DGAT2: variants seen among roughly 807,000 people sequenced by gnomAD.
The protein encoded by DGAT2 is acyl-CoA retinol O-fatty-acyltransferase.
Under a neutral mutation model 48.4 loss-of-function variants are expected in DGAT2, and 33 were observed. The observed-to-expected ratio is 0.68, with a 90% CI of 0.52 to 0.91. The LOEUF is 0.91. Among genes scored for constraint, DGAT2 ranks in the 40% least tolerant of loss-of-function variants. The probability of loss-of-function intolerance (pLI) is 0.00; values close to 1 mark genes in which losing one functional copy is unlikely to be tolerated. For synonymous variants in DGAT2, 191 were observed against 194.1 expected (o/e 0.98, Z 0.13); for missense variants, 446 against 493.7 (o/e 0.90, Z 0.92).
chr11:75,790,585 C>A, intron 3 of DGAT2, 76 bp from the exon 4 acceptor site: 1 of 1,405,354 alleles, frequency 7.1e-7, no homozygotes, highest in Non-Finnish European at 1.0e-6. Context: ...GCTTGGGTTT[C>A]ACACTGGCCC....
chr11:75,782,104 C>T (rs746396046), intron 1 of DGAT2, among the ~76,000 whole-genome samples: 1 of 152,172 alleles, frequency 6.6e-6, no homozygotes, highest in Non-Finnish European at 1.5e-5. Context: ...CTTCAGGGGC[C>T]TGTCTGCAAC....
chr11:75,779,642 CA>C, intron 1 of DGAT2, among the ~76,000 whole-genome samples: 1 of 152,218 alleles, frequency 6.6e-6, no homozygotes, highest in Admixed American at 6.5e-5. Flanking sequence ...AAGGTAGGAG[CA>C]AATGAGCTGT....
chr11:75,779,061 G>C (rs1468401988), intron 1 of DGAT2, among the ~76,000 whole-genome samples: 1 of 152,106 alleles, frequency 6.6e-6, no homozygotes, highest in African/African-American at 2.4e-5. Context: ...CTGAAAACTT[G>C]GGTTTCATCA....
At chr11:75,790,759 A>C (rs748099040) in intron 4 of DGAT2, 28 bp downstream of exon 4, 7 of 1,612,798 alleles carry the variant, frequency 4.3e-6, no homozygotes, top group Non-Finnish European at 5.9e-6. Flanking sequence ...TTGTTTTGGG[A>C]GGGTGGGAAT....
At chr11:75,784,527 G>T in intron 1 of DGAT2, 91 bp from the exon 2 acceptor site, 1 of 1,542,836 alleles carries the variant, frequency 6.5e-7, no homozygotes, top group African/African-American at 1.4e-5. Context: ...CTCATATCTA[G>T]AAGGGTACCT....
chr11:75,784,573 T>C (rs1944900643), intron 1 of DGAT2, 45 bp from the exon 2 acceptor site: 5 of 1,609,766 alleles, frequency 3.1e-6, no homozygotes, highest in Non-Finnish European at 3.4e-6. Context: ...ACCCCATGAC[T>C]GGAGAGAAGG....
At chr11:75,784,802 A>G (rs564207068) in intron 2 of DGAT2, 56 bp downstream of exon 2, 3 of 1,610,956 alleles carry the variant, frequency 1.9e-6, no homozygotes, top group Non-Finnish European at 1.7e-6. Flanking sequence ...CTTCCCCAAA[A>G]GAGGTAGAGC....
chr11:75,768,815 C>G lies in DGAT2; in HGVS notation c.-177C>G. ...GCCTCTGCTGGGGTCTAGGCTGTTT[C>G]TCTCGCGCCACCACTGGCCGCCGGC... On this transcript the variant is annotated 5_prime_UTR_variant, in exon 1 of 8. Transcript: ENST00000228027. 1 of 768,372 alleles carries G rather than the reference C, an allele frequency of 1.3e-6. No homozygotes were observed. Among genetic ancestry groups the G allele is most frequent in the Non-Finnish European group, 1.8e-6 (1 of 541,326 alleles). 47.6% of individuals were successfully genotyped at this position (768,372 alleles called of 1,614,324 possible).
At chr11:75,781,250 A>G (rs1207504303) in intron 1 of DGAT2, among the ~76,000 whole-genome samples, 1 of 152,240 alleles carries the variant, frequency 6.6e-6, no homozygotes, top group Non-Finnish European at 1.5e-5. Flanking sequence ...TCTCTTTCCA[A>G]AGGCTTCCTG....
At chr11:75,790,577 T>C in intron 3 of DGAT2, 84 bp from the exon 4 acceptor site, 4 of 1,297,294 alleles carry the variant, frequency 3.1e-6, no homozygotes, top group Non-Finnish European at 4.5e-6. Flanking sequence ...GGTCACCTGC[T>C]TGGGTTTCAC....
In DGAT2 at chr11:75,796,353, C is replaced by T. The variant is rs187207981; in HGVS notation, c.455C>T (p.Thr152Ile). ...CTGGTGAAGACACACAACCTGCTGA[C>T]CACCAGGAACTATATCTTTGGATAC... The part of the protein sequence containing the change: ...IQLVKTHNLL[T>I]TRNYIFGYHP... Residue 152 changes from threonine to isoleucine, a missense_variant, in exon 5 of 8, where the codon ACC becomes ATC. Physicochemically the swap from Thr to Ile is moderately conservative, Grantham distance 89 (BLOSUM62 -1). Coordinates refer to ENST00000228027, the MANE Select transcript of DGAT2 (RefSeq NM_032564.5). 46 of 1,614,084 alleles carry T rather than the reference C, an allele frequency of 2.8e-5. No homozygotes were observed. The East Asian group carries it at 9.1e-4, about 32-fold the overall frequency.
rs771650638 is a variant in DGAT2 at position 75,790,210 on chromosome 11, CA to C, written c.274del (p.Met92CysfsTer54). 7.4e-6 allele frequency: 12 copies of C among 1,613,972 alleles called. No individual in the cohort carries two copies. Among genetic ancestry groups the C allele is most frequent in the Non-Finnish European group, 1.0e-5 (12 of 1,180,018 alleles). ...VLGVACSAILMYIFCTDCWLI... is the reference protein window; with the variant it reads ...VLGVACSAILXYIFCTDCWLI... ...CAGGAGTGGCCTGCAGTGCCATCCT[CA>C]TGTACATATTCTGCACTGATTGCTG... is the stretch of plus-strand genomic sequence containing the variant. On this transcript the variant is annotated frameshift_variant, in exon 3 of 8. Transcript: ENST00000228027. LOFTEE classifies it high-confidence loss of function.
chr11:75,796,707 T>C (rs1945060192), intron 5 of DGAT2, 175 bp downstream of exon 5: 2 of 646,712 alleles, frequency 3.1e-6, no homozygotes, highest in South Asian at 2.0e-5. Context: ...GCTGTCCATA[T>C]GGTCTTGAGA....
In DGAT2 at chr11:75,800,649, T is replaced by C. The variant is rs1488620822; in HGVS notation, c.*141T>C. 80 of 1,075,664 alleles carry C rather than the reference T, an allele frequency of 7.4e-5. No individual in the cohort carries two copies. The highest frequency in any genetic ancestry group is 9.7e-5 in the Non-Finnish European group (75 of 770,166). 66.6% of individuals were successfully genotyped at this position (1,075,664 alleles called of 1,614,324 possible). A position where few individuals can be genotyped will look rare whatever the true frequency, so the allele number is the denominator to read the frequency against. On this transcript the variant is annotated 3_prime_UTR_variant, in exon 8 of 8. Transcript: ENST00000228027. ...TGCTAAACCATTACAATGTTAGGTCTTTTTTAAGAAGGAAAAAGTCAGTAT... is the reference window on the plus strand; with the variant it reads ...TGCTAAACCATTACAATGTTAGGTCCTTTTTAAGAAGGAAAAAGTCAGTAT...
chr11:75,790,608 C>A, intron 3 of DGAT2, 53 bp from the exon 4 acceptor site: 1 of 1,571,340 alleles, frequency 6.4e-7, no homozygotes, highest in Non-Finnish European at 8.8e-7. Flanking sequence ...TCTTGTCTGC[C>A]TTGCCCAAAT....
chr11:75,785,716 C>T (rs1236988040), intron 2 of DGAT2, among the ~76,000 whole-genome samples: 1 of 152,212 alleles, frequency 6.6e-6, no homozygotes, highest in Non-Finnish European at 1.5e-5. Flanking sequence ...CTCTTCGGGA[C>T]TGTATAGGCT....
At chr11:75,790,874 G>A (rs1944981798) in intron 4 of DGAT2, 143 bp downstream of exon 4, 5 of 795,646 alleles carry the variant, frequency 6.3e-6, no homozygotes, top group South Asian at 1.6e-5. Context: ...CTGTGCTGGG[G>A]ACCCCACTGC....
intron 1 of DGAT2, among the ~76,000 whole-genome samples, chr11:75,769,641 T>C (rs1438281352): frequency 6.6e-6 from 1 of 152,174 alleles, no homozygotes; most frequent in Non-Finnish European, 1.5e-5. Flanking sequence ...AAGGTAGAAC[T>C]GAGGTCCTCA....
intron 1 of DGAT2, among the ~76,000 whole-genome samples, chr11:75,778,027 G>A (rs1487140037): frequency 6.6e-6 from 1 of 152,192 alleles, no homozygotes; most frequent in Non-Finnish European, 1.5e-5. Context: ...GACATCATCT[G>A]CTGTGCTCAC....
Sources: allele counts gnomAD v4.1 joint callset (sites outside exome capture counted in the v4.1 genomes callset), GRCh38; gene constraint gnomAD v4.1.1; transcripts MANE v1.5; gene names NCBI Gene and HGNC (gene_info 2026-07-23, HGNC 2026-07-21).